PTPRT: variants seen among roughly 807,000 people sequenced by gnomAD.
PTPRT encodes protein tyrosine phosphatase receptor type T, also known as receptor-type tyrosine-protein phosphatase T.
In PTPRT, 56 loss-of-function variants were observed where a neutral mutation model predicts 176.8. The observed-to-expected ratio is 0.32, with a 90% confidence interval of 0.26 to 0.40. PTPRT has a LOEUF of 0.40. Among genes scored for constraint, PTPRT ranks in the 10% least tolerant of loss-of-function variants. The probability of loss-of-function intolerance (pLI) is 1.00; values close to 1 mark genes in which losing one functional copy is unlikely to be tolerated. For missense variants in PTPRT, 1,540 were observed against 1,908.2 expected (o/e 0.81, Z 3.60); for synonymous variants, 783 against 739.0 (o/e 1.06, Z -0.96).
At chr20:42,210,659 T>A (rs2055600266) in intron 15 of PTPRT, among the ~76,000 whole-genome samples, 1 of 150,112 alleles carries the variant, frequency 6.7e-6, no homozygotes, top group Non-Finnish European at 1.5e-5. Context: ...TACAAACAAA[T>A]GGAAGAACAT....
Position 43,014,439 on chromosome 20 carries a change from G to A in PTPRT, c.89-128507C>T, listed in dbSNP as rs922402837. Among the ~76,000 whole-genome samples the A allele has an allele frequency of 3.3e-5, 5 of 152,126 alleles. No individual in the cohort carries two copies. The East Asian group carries it at 9.6e-4, about 29-fold the overall frequency. On this transcript the variant is annotated intron_variant, in intron 1 of 30. Coordinates refer to ENST00000373187, the MANE Select transcript of PTPRT (RefSeq NM_007050.6). ...TCCCCCAGCATTAATGCTGCCACACGCACATCAAAATGGGTACCAAGGGAC... is the reference window on the plus strand; with the variant it reads ...TCCCCCAGCATTAATGCTGCCACACACACATCAAAATGGGTACCAAGGGAC...
chr20:42,853,006 G>A (rs768481309), intron 2 of PTPRT, among the ~76,000 whole-genome samples: 1 of 152,192 alleles, frequency 6.6e-6, no homozygotes, highest in East Asian at 1.9e-4. Flanking sequence ...CAGGAGATGG[G>A]GATGCTGAGA....
At chr20:42,548,326 T>C (rs1421475549) in intron 7 of PTPRT, among the ~76,000 whole-genome samples, 3 of 151,880 alleles carry the variant, frequency 2.0e-5, no homozygotes, top group African/African-American at 4.8e-5. Flanking sequence ...ACAGTAATAG[T>C]GGAATTGAAT....
chr20:42,887,242 A>G (rs2079118015), intron 1 of PTPRT, among the ~76,000 whole-genome samples: 1 of 152,150 alleles, frequency 6.6e-6, no homozygotes, highest in Non-Finnish European at 1.5e-5. Context: ...TAGGACATGA[A>G]GGCAGACTCC....
intron 7 of PTPRT, among the ~76,000 whole-genome samples, chr20:42,490,868 AGG>A (rs919740258): frequency 2.4e-4 from 36 of 152,228 alleles, no homozygotes; most frequent in African/African-American, 7.7e-4. Context: ...TTATTTTCTA[AGG>A]GTTTTAAAAA....
chr20:43,013,091 C>T (rs1985207460), intron 1 of PTPRT, among the ~76,000 whole-genome samples: 1 of 152,022 alleles, frequency 6.6e-6, no homozygotes, highest in Non-Finnish European at 1.5e-5. Flanking sequence ...TAATCACCCA[C>T]TAACAGGTAC....
intron 9 of PTPRT, among the ~76,000 whole-genome samples, chr20:42,378,212 G>T (rs934811251): frequency 4.6e-5 from 7 of 152,214 alleles, no homozygotes; most frequent in Non-Finnish European, 1.5e-5. Context: ...GCTCAGCATT[G>T]CATTCCTGGT....
chr20:42,109,635 C>A (rs1008038966), intron 23 of PTPRT, among the ~76,000 whole-genome samples: 1 of 152,148 alleles, frequency 6.6e-6, no homozygotes, highest in African/African-American at 2.4e-5. Context: ...GAGCTGAGGG[C>A]AAGTGTCTGG....
At chr20:42,907,471 T>C (rs542837334) in intron 1 of PTPRT, among the ~76,000 whole-genome samples, 25 of 152,138 alleles carry the variant, frequency 1.6e-4, no homozygotes, top group African/African-American at 6.0e-4. Context: ...TGAAGTTTTT[T>C]TTTAATGTTT....
intron 1 of PTPRT, among the ~76,000 whole-genome samples, chr20:43,136,546 G>A (rs1030055357): frequency 2.0e-5 from 3 of 152,134 alleles, no homozygotes; most frequent in Non-Finnish European, 4.4e-5. Context: ...GTAACATGCT[G>A]CTTACCTGTA....
chr20:42,556,767 TGTTGTTAGTTTAAA>T (rs1479418688), intron 7 of PTPRT, among the ~76,000 whole-genome samples: 1 of 152,110 alleles, frequency 6.6e-6, no homozygotes, highest in Non-Finnish European at 1.5e-5. Flanking sequence ...CATTGCACAA[TGTTGTTAGTTTAAA>T]GAAGTTCAAT....
At chr20:42,558,606 G>A (rs1291900443) in intron 7 of PTPRT, among the ~76,000 whole-genome samples, 1 of 151,886 alleles carries the variant, frequency 6.6e-6, no homozygotes, top group Admixed American at 6.6e-5. Flanking sequence ...TGCTGATCTT[G>A]ACAAACCCAT....
At chr20:42,637,046 G>A (rs1045186698) in intron 7 of PTPRT, among the ~76,000 whole-genome samples, 5 of 152,070 alleles carry the variant, frequency 3.3e-5, no homozygotes, top group African/African-American at 1.2e-4. Context: ...CATAGTCGAG[G>A]TCTCCAAGTC....
chr20:42,885,067 C>T (rs1358782517), intron 2 of PTPRT, among the ~76,000 whole-genome samples: 1 of 151,078 alleles, frequency 6.6e-6, no homozygotes, highest in Non-Finnish European at 1.5e-5. Flanking sequence ...AGGCCTTCAG[C>T]GCTGCTGGTT....
chr20:43,106,006 G>T (rs953818408), intron 1 of PTPRT, among the ~76,000 whole-genome samples: 1 of 152,074 alleles, frequency 6.6e-6, no homozygotes, highest in African/African-American at 2.4e-5. Flanking sequence ...CAGGTTCAGG[G>T]GGTGAGGGGC....
chr20:42,634,470 T>C (rs977590364), intron 7 of PTPRT, among the ~76,000 whole-genome samples: 2 of 151,838 alleles, frequency 1.3e-5, no homozygotes, highest in South Asian at 4.1e-4. Flanking sequence ...CAGACCCACA[T>C]GAGACTTCAC....
intron 3 of PTPRT, among the ~76,000 whole-genome samples, chr20:42,782,824 A>C (rs1207160436): frequency 1.3e-5 from 2 of 152,226 alleles, no homozygotes; most frequent in Non-Finnish European, 2.9e-5. Flanking sequence ...ACAATGAAAA[A>C]ATTAGGTGGA....
chr20:43,189,568 C>A lies in PTPRT; in HGVS notation c.88+78G>T. 9.1e-6 allele frequency: 9 copies of A among 992,980 alleles called. No individual in the cohort carries two copies. Among genetic ancestry groups the A allele is most frequent in the Non-Finnish European group, 1.2e-5 (9 of 782,220 alleles). 61.5% of individuals were successfully genotyped at this position (992,980 alleles called of 1,614,324 possible). A position where few individuals can be genotyped will look rare whatever the true frequency, so the allele number is the denominator to read the frequency against. ...CGCGAGCCCACACAACTTTCTCCTC[C>A]GAGGGCCCCGCGGCTGGGGGCCCGC... On this transcript the variant is annotated intron_variant, in intron 1 of 30. Coordinates refer to ENST00000373187, the MANE Select transcript of PTPRT (RefSeq NM_007050.6). The surrounding 1 kb of genome is among the most constrained non-coding windows in gnomAD (Gnocchi z 5.0).
chr20:43,003,385 G>A (rs1984691369), intron 1 of PTPRT, among the ~76,000 whole-genome samples: 1 of 151,996 alleles, frequency 6.6e-6, no homozygotes, highest in African/African-American at 2.4e-5. Flanking sequence ...ACTAGGGGCC[G>A]GTGGGAGGGT....
Sources: gnomAD v4.1 joint callset for allele counts (sites outside exome capture counted in the v4.1 genomes callset) on GRCh38, gnomAD v4.1.1 for gene constraint, Gnocchi (gnomAD v3.1) non-coding constraint, MANE v1.5 for transcripts, NCBI Gene and HGNC (gene_info 2026-07-23, HGNC 2026-07-21) for gene names.